Variants in MAP4K5 observed in about 807,000 individuals in gnomAD.
MAP4K5 encodes MAPK/ERK kinase kinase kinase 5.
Under a neutral mutation model 135.6 loss-of-function variants are expected in MAP4K5, and 82 were observed. The ratio of observed to expected loss-of-function variants is 0.60; its 90% CI spans 0.51 to 0.73. The LOEUF (loss-of-function observed/expected upper bound fraction) is 0.73. MAP4K5 is among the 30% of genes least tolerant of loss of function. MAP4K5 has a pLI of 0.00. For missense variants in MAP4K5, 907 were observed against 1,010.9 expected (o/e 0.90, Z 1.39); for synonymous variants, 347 against 335.0 (o/e 1.04, Z -0.39).
intron 2 of MAP4K5, chr14:50,505,076 A>T (rs2037781424): frequency 7.9e-6 from 3 of 380,810 alleles, no homozygotes. Flanking sequence ...CCCACCACTC[A>T]AAAACAGCTC....
rs756990448 is a variant in MAP4K5, at chr14:50,491,702, TC to T, written c.167-5509del. Reference sequence around the variant, plus strand: ...ACTGAACTTTCTTTTTTTTTTTTTTTCGAGACAGGGTTTCACTGTATTGCCC... The same window carrying T: ...ACTGAACTTTCTTTTTTTTTTTTTTTGAGACAGGGTTTCACTGTATTGCCC... On this transcript the variant is annotated intron_variant, in intron 3 of 32. Transcript: ENST00000682126. Among the ~76,000 whole-genome samples the T allele has an allele frequency of 4.1e-3, 617 of 151,128 alleles. 3 individuals carry two copies. Among genetic ancestry groups the T allele is most frequent in the Middle Eastern group, 6.8e-3 (2 of 294 alleles).
intron 1 of MAP4K5, chr14:50,559,417 A>C (rs1361988988): frequency 6.6e-6 from 1 of 152,238 alleles, no homozygotes; most frequent in Non-Finnish European, 1.5e-5. Context: ...GGAAAGATTG[A>C]AAGTATTTTT....
chr14:50,453,555 G>A (rs1256051996), intron 14 of MAP4K5, among the ~76,000 whole-genome samples: 1 of 152,066 alleles, frequency 6.6e-6, no homozygotes, highest in African/African-American at 2.4e-5. Context: ...ATCACATTTA[G>A]AATGAATCAT....
intron 1 of MAP4K5, among the ~76,000 whole-genome samples, chr14:50,548,035 C>T (rs1053780986): frequency 6.6e-6 from 1 of 152,038 alleles, no homozygotes; most frequent in Non-Finnish European, 1.5e-5. Context: ...TGGAGACTAC[C>T]CTACAAACCA....
At chr14:50,455,169 A>C (rs1043663469) in intron 14 of MAP4K5, among the ~76,000 whole-genome samples, 3 of 151,998 alleles carry the variant, frequency 2.0e-5, no homozygotes, top group Non-Finnish European at 2.9e-5. Context: ...AAAGAAACTC[A>C]AGTTGAATCC....
intron 28 of MAP4K5, among the ~76,000 whole-genome samples, chr14:50,434,098 GA>G (rs1485358134): frequency 6.6e-6 from 1 of 152,102 alleles, no homozygotes; most frequent in African/African-American, 2.4e-5. Context: ...AAAATTTTAA[GA>G]ACTGCTTAGA....
At chr14:50,495,322 T>C (rs1383665685) in intron 3 of MAP4K5, among the ~76,000 whole-genome samples, 1 of 152,186 alleles carries the variant, frequency 6.6e-6, no homozygotes, top group East Asian at 1.9e-4. Context: ...CATAAAAACA[T>C]GCTCAACATC....
At chr14:50,437,789 C>G (rs1010500424) in intron 25 of MAP4K5, 105 bp downstream of exon 25, 1 of 795,932 alleles carries the variant, frequency 1.3e-6, no homozygotes, top group African/African-American at 1.7e-5. Flanking sequence ...TTTAAACTAC[C>G]TTTGAAAATT....
chr14:50,435,917 C>T (rs2036080355), intron 26 of MAP4K5, among the ~76,000 whole-genome samples: 1 of 151,930 alleles, frequency 6.6e-6, no homozygotes, highest in Non-Finnish European at 1.5e-5. Flanking sequence ...GAGTTTTTAT[C>T]TTAGATTCCA....
intron 3 of MAP4K5, among the ~76,000 whole-genome samples, chr14:50,495,315 A>T (rs1300532258): frequency 6.6e-6 from 1 of 152,236 alleles, no homozygotes; most frequent in Non-Finnish European, 1.5e-5. Context: ...ATAAGCACAT[A>T]AAAACATGCT....
chr14:50,491,175 G>A (rs1378134329), intron 3 of MAP4K5, among the ~76,000 whole-genome samples: 1 of 152,040 alleles, frequency 6.6e-6, no homozygotes, highest in Non-Finnish European at 1.5e-5. Flanking sequence ...ACCTGGTTGT[G>A]CCAAGATAAA....
intron 6 of MAP4K5, among the ~76,000 whole-genome samples, chr14:50,477,386 T>C (rs1052405521): frequency 5.9e-5 from 9 of 152,316 alleles, no homozygotes; most frequent in Non-Finnish European, 1.0e-4. Flanking sequence ...TTTATTCCAT[T>C]TTCTACACAG....
Position 50,453,121 on chromosome 14 carries a change from T to C in MAP4K5, c.1015+3395A>G, listed in dbSNP as rs140975508. Among the ~76,000 whole-genome samples, 30 of 152,216 alleles carry C rather than the reference T, an allele frequency of 2.0e-4. 1 individual carries two copies. Among genetic ancestry groups the C allele is most frequent in the African/African-American group, 5.3e-4 (22 of 41,544 alleles). Reference sequence around the variant, plus strand: ...AGTCTAACACCTGGCTGAAATTTACTTGTGAGTCAGCTAAAACTATACAAT... The same window carrying C: ...AGTCTAACACCTGGCTGAAATTTACCTGTGAGTCAGCTAAAACTATACAAT... On this transcript the variant is annotated intron_variant, in intron 14 of 32. Transcript: ENST00000682126.
At chr14:50,469,131 T>C (rs1023620065) in intron 9 of MAP4K5, among the ~76,000 whole-genome samples, 11 of 152,120 alleles carry the variant, frequency 7.2e-5, no homozygotes, top group Non-Finnish European at 1.0e-4. Context: ...GAGGTGAGAC[T>C]TCTAAGTAGG....
In MAP4K5 at chr14:50,483,170, T is replaced by G. The variant is rs1220347865; in HGVS notation, c.323-754A>C. 5 of 152,220 alleles carry G rather than the reference T, an allele frequency of 3.3e-5. No individual in the cohort carries two copies. The East Asian group carries it at 9.6e-4, about 29-fold the overall frequency. The allele number at this position is 152,220 out of a possible 1,614,324, so 9.4% of individuals were successfully genotyped here. A position where few individuals can be genotyped will look rare whatever the true frequency, so the allele number is the denominator to read the frequency against. ...TATACTTTTTTATAGATCAAGATGC[T>G]ATTTCTTTAGTATAATTCTTTACCA... On this transcript the variant is annotated intron_variant, in intron 5 of 32. Coordinates refer to ENST00000682126, the MANE Select transcript of MAP4K5 (RefSeq NM_006575.6).
intron 2 of MAP4K5, among the ~76,000 whole-genome samples, chr14:50,530,490 T>G (rs954978164): frequency 2.5e-4 from 38 of 152,326 alleles, no homozygotes; most frequent in African/African-American, 8.9e-4. Context: ...TGAACTCGTC[T>G]AACACACAGT....
intron 30 of MAP4K5, among the ~76,000 whole-genome samples, chr14:50,428,409 G>C (rs1021214119): frequency 6.7e-6 from 1 of 150,258 alleles, no homozygotes; most frequent in South Asian, 2.1e-4. Context: ...GCACCCGCCA[G>C]CATGCCCAGC....
chr14:50,505,419 A>G (rs1175343851), intron 2 of MAP4K5, among the ~76,000 whole-genome samples: 2 of 152,146 alleles, frequency 1.3e-5, no homozygotes, highest in Admixed American at 1.3e-4. Context: ...TTGGGCATTT[A>G]CAATTTTAAT....
chr14:50,452,178 T>C (rs2036504460), intron 14 of MAP4K5, among the ~76,000 whole-genome samples: 1 of 152,162 alleles, frequency 6.6e-6, no homozygotes, highest in Non-Finnish European at 1.5e-5. Flanking sequence ...TGACTTATGA[T>C]ATTTTCAACT....
Sources: allele counts gnomAD v4.1 joint callset (sites outside exome capture counted in the v4.1 genomes callset), GRCh38; gene constraint gnomAD v4.1.1; transcripts MANE v1.5; gene names NCBI Gene and HGNC (gene_info 2026-07-23, HGNC 2026-07-21).